Variants in TOGARAM1 observed in about 807,000 individuals in gnomAD.
TOGARAM1 encodes the protein TOG array regulator of axonemal microtubules protein 1.
In TOGARAM1, 100 loss-of-function variants were observed where a neutral mutation model predicts 166.6. The observed-to-expected ratio is 0.60, with a 90% CI of 0.51 to 0.71. TOGARAM1 has a LOEUF of 0.71. TOGARAM1 is among the 30% of genes least tolerant of loss of function. The pLI, the probability that TOGARAM1 is intolerant of heterozygous loss-of-function variation, is 0.00. For synonymous variants in TOGARAM1, 758 were observed against 763.8 expected (o/e 0.99, Z 0.13); for missense variants, 2,029 against 2,102.7 (o/e 0.96, Z 0.69).
intron 14 of TOGARAM1, among the ~76,000 whole-genome samples, chr14:45,051,171 G>T (rs1594693833): frequency 1.3e-5 from 2 of 152,138 alleles, no homozygotes; most frequent in East Asian, 3.8e-4. Flanking sequence ...CCTAGTTTTT[G>T]AGATTATTAC....
chr14:45,011,821 A>G (rs1030600043), intron 6 of TOGARAM1, 154 bp from the exon 7 acceptor site: 3 of 548,726 alleles, frequency 5.5e-6, no homozygotes, highest in Non-Finnish European at 3.3e-6. Context: ...GTATACACAC[A>G]CACTGTTAGC....
chr14:44,980,620 G>A (rs1354133790), intron 1 of TOGARAM1, among the ~76,000 whole-genome samples: 1 of 152,194 alleles, frequency 6.6e-6, no homozygotes, highest in Non-Finnish European at 1.5e-5. Flanking sequence ...GGCAGAGGTT[G>A]GAGTGAACCC....
At chr14:45,053,081 T>C (rs1423039497) in intron 15 of TOGARAM1, among the ~76,000 whole-genome samples, 3 of 144,464 alleles carry the variant, frequency 2.1e-5, no homozygotes, top group Non-Finnish European at 3.0e-5. Context: ...GCTGTGCCAC[T>C]AGGCTAGAGT....
At chr14:45,051,609 G>A (rs2138971485) in intron 14 of TOGARAM1, among the ~76,000 whole-genome samples, 1 of 148,176 alleles carries the variant, frequency 6.7e-6, no homozygotes, top group Admixed American at 6.7e-5. Context: ...GCCCAGGCTG[G>A]AGTGCAATGG....
At chr14:45,071,600 A>G in intron 18 of TOGARAM1, 112 bp from the exon 19 acceptor site, 4 of 627,286 alleles carry the variant, frequency 6.4e-6, no homozygotes, top group Non-Finnish European at 1.1e-5. Context: ...TTAAAGTGTT[A>G]TACATTTGCA....
chr14:45,054,347 GC>G (rs1287095375), intron 15 of TOGARAM1, 83 bp from the exon 16 acceptor site: 3 of 795,064 alleles, frequency 3.8e-6, no homozygotes, highest in Admixed American at 2.7e-5. Flanking sequence ...AATCAATGAT[GC>G]CTACTTTGAA....
At position 44,962,436 on chromosome 14, in the gene TOGARAM1, C is replaced by T. The variant is rs752361212; in HGVS notation, c.15C>T (p.Pro5=). Residue 5 remains proline (P), a synonymous_variant, in exon 1 of 20, where the codon CCC becomes CCT. Transcript: ENST00000361462. MAAA[P]SALLLLPPFP... ...GACAACCCTGCATGGCGGCTGCCCC[C>T]TCCGCGCTGCTTCTGCTGCCGCCCT... 6 of 1,567,008 alleles carry T rather than the reference C, an allele frequency of 3.8e-6. No homozygotes were observed. Among genetic ancestry groups the T allele is most frequent in the African/African-American group, 1.4e-5 (1 of 73,860 alleles).
intron 16 of TOGARAM1, among the ~76,000 whole-genome samples, chr14:45,060,691 A>C (rs1882865578): frequency 6.6e-6 from 1 of 152,200 alleles, no homozygotes; most frequent in African/African-American, 2.4e-5. Flanking sequence ...ACTGTGTGGG[A>C]GGCCTTTTCC....
At chr14:45,032,106 G>A in intron 10 of TOGARAM1, 117 bp from the exon 11 acceptor site, 1 of 852,958 alleles carries the variant, frequency 1.2e-6, no homozygotes, top group East Asian at 2.8e-5. Context: ...GTTGCAGTGA[G>A]CTAAGATCGT....
At chr14:45,059,913 A>ATTTT (rs1210596745) in intron 16 of TOGARAM1, among the ~76,000 whole-genome samples, 1 of 138,534 alleles carries the variant, frequency 7.2e-6, no homozygotes. Flanking sequence ...TAGAAATGCA[A>ATTTT]TTTTTTTTTT....
chr14:44,977,660 A>G (rs984923116), intron 1 of TOGARAM1, among the ~76,000 whole-genome samples: 24 of 152,064 alleles, frequency 1.6e-4, no homozygotes, highest in Admixed American at 9.8e-4. Context: ...TTTTTTTGAA[A>G]CAGAGTCTCA....
intron 11 of TOGARAM1, among the ~76,000 whole-genome samples, chr14:45,035,751 A>G (rs1384641516): frequency 6.6e-6 from 1 of 152,130 alleles, no homozygotes; most frequent in East Asian, 1.9e-4. Flanking sequence ...TGAGATCTTT[A>G]AAGTACTGAA....
chr14:45,041,454 T>G (rs1032108095), intron 11 of TOGARAM1, among the ~76,000 whole-genome samples: 1 of 152,210 alleles, frequency 6.6e-6, no homozygotes, highest in African/African-American at 2.4e-5. Flanking sequence ...TTTCTGATAG[T>G]TTATCCCAAA....
chr14:44,976,626 C>A (rs1419033333), intron 1 of TOGARAM1, among the ~76,000 whole-genome samples: 1 of 136,148 alleles, frequency 7.3e-6, no homozygotes, highest in Admixed American at 7.2e-5. Context: ...TTTAATCAAC[C>A]TTTACCTTTA....
At chr14:44,989,382 A>G (rs1330898473) in intron 1 of TOGARAM1, among the ~76,000 whole-genome samples, 2 of 152,214 alleles carry the variant, frequency 1.3e-5, no homozygotes, top group East Asian at 3.8e-4. Context: ...TTATTTGTAG[A>G]AATCAAAGAA....
chr14:44,999,392 T>C lies in TOGARAM1; in HGVS notation c.2233T>C (p.Ser745Pro), dbSNP rs1184300332. The C allele has an allele frequency of 1.9e-6, 3 of 1,610,250 alleles. No homozygotes were observed. The highest frequency in any genetic ancestry group is 1.3e-5 in the African/African-American group (1 of 74,994). ...TACTGGGACTCATCAAACAAATCTT[T>C]CTGGGAAATGTGCACAACTTGGATT... is the stretch of plus-strand genomic sequence containing the variant. ...GTTGTHQTNLSGKCAQLGFSQ... is the reference protein window; with the variant it reads ...GTTGTHQTNLPGKCAQLGFSQ... Residue 745 changes from serine to proline, a missense_variant, in exon 3 of 20, where the codon TCT becomes CCT. Ser to Pro is a moderately conservative substitution (Grantham distance 74). Transcript: ENST00000361462.
intron 1 of TOGARAM1, among the ~76,000 whole-genome samples, chr14:44,974,342 G>A (rs1209830487): frequency 6.6e-6 from 1 of 151,758 alleles, no homozygotes; most frequent in Non-Finnish European, 1.5e-5. Context: ...TGATTTCTAG[G>A]TTTCTTTTGT....
Position 44,962,737 on chromosome 14 carries a change from G to T in TOGARAM1, c.316G>T (p.Ala106Ser). Reference protein sequence around the residue: ...DTRLLQLLRTARDPSEAFQAL... With the variant: ...DTRLLQLLRTSRDPSEAFQAL... The stretch of plus-strand genomic sequence containing the variant: ...TCGGCTCCTTCAACTCCTCCGCACT[G>T]CCCGGGATCCTTCTGAGGCCTTCCA... Residue 106 changes from alanine to serine, a missense_variant, in exon 1 of 20, where the codon GCC becomes TCC. Around this residue, in one of 2 missense-constraint regions of TOGARAM1, gnomAD observed 1,453 missense variants for 1,432.2 expected, o/e 1.01. Coordinates refer to ENST00000361462, the MANE Select transcript of TOGARAM1 (RefSeq NM_001308120.2). 6.2e-7 allele frequency: 1 copy of T among 1,613,768 alleles called. No individual in the cohort carries two copies. Among genetic ancestry groups the T allele is most frequent in the Non-Finnish European group, 8.5e-7 (1 of 1,180,036 alleles).
At chr14:45,061,116 T>C (rs1455613080) in intron 16 of TOGARAM1, among the ~76,000 whole-genome samples, 1 of 152,270 alleles carries the variant, frequency 6.6e-6, no homozygotes, top group Non-Finnish European at 1.5e-5. Flanking sequence ...AGAAAAACTG[T>C]TCCATTTCCT....
Sources: gnomAD v4.1 joint callset for allele counts (sites outside exome capture counted in the v4.1 genomes callset) on GRCh38, gnomAD v4.1.1 for gene constraint, gnomAD v4.1.1 regional missense constraint, MANE v1.5 for transcripts, NCBI Gene and HGNC (gene_info 2026-07-23, HGNC 2026-07-21) for gene names.